Variants in RALYL observed in about 807,000 individuals in gnomAD.
RALYL encodes the protein RNA-binding Raly-like protein.
RALYL carries 29 observed loss-of-function variants against 35.1 expected under a neutral mutation model. The ratio of observed to expected loss-of-function variants is 0.83; its 90% CI spans 0.61 to 1.13. RALYL has a LOEUF of 1.13. Ranked by LOEUF, RALYL falls within the 50% of genes most tolerant of loss-of-function variation. The pLI, the probability that RALYL is intolerant of heterozygous loss-of-function variation, is 0.00. For missense variants in RALYL, 359 were observed against 360.4 expected (o/e 1.00, Z 0.03); for synonymous variants, 120 against 127.6 (o/e 0.94, Z 0.40).
At chr8:84,565,763 T>A (rs2061741981) in intron 2 of RALYL, among the ~76,000 whole-genome samples, 1 of 151,654 alleles carries the variant, frequency 6.6e-6, no homozygotes, top group Non-Finnish European at 1.5e-5. Context: ...GTGCAAATTT[T>A]AACTTTGCTA....
At chr8:84,616,066 GT>G (rs1819544963) in intron 2 of RALYL, among the ~76,000 whole-genome samples, 1 of 77,854 alleles carries the variant, frequency 1.3e-5, no homozygotes, top group Non-Finnish European at 2.3e-5. Flanking sequence ...ACGTGTGCAT[GT>G]GTCTTTATAG....
chr8:84,315,592 C>T (rs370474450), intron 1 of RALYL, among the ~76,000 whole-genome samples: 10 of 152,100 alleles, frequency 6.6e-5, no homozygotes, highest in East Asian at 3.9e-4. Context: ...TTATTAATTT[C>T]GGAAGCATCC....
intron 2 of RALYL, among the ~76,000 whole-genome samples, chr8:84,757,393 A>G (rs1182777705): frequency 2.0e-5 from 3 of 152,170 alleles, no homozygotes; most frequent in Admixed American, 2.0e-4. Context: ...CTGTTGCAAC[A>G]TTTCGGTACA....
In RALYL at chr8:84,528,735, T is replaced by A. The variant is rs572546671; in HGVS notation, c.-23-564T>A. Among the ~76,000 whole-genome samples, 3 of 152,294 alleles carry A rather than the reference T, an allele frequency of 2.0e-5. No homozygotes were observed. The South Asian group carries it at 6.2e-4, about 32-fold the overall frequency. Reference sequence around the variant, plus strand: ...TTTTTAAAATTGTGGTTTTCTTATGTTAAATTTTTGAATTGAATTTCTAAT... The same window carrying A: ...TTTTTAAAATTGTGGTTTTCTTATGATAAATTTTTGAATTGAATTTCTAAT... On this transcript the variant is annotated intron_variant, in intron 1 of 8. Transcript: ENST00000521268.
chr8:84,672,792 C>T (rs1211405850), intron 2 of RALYL, among the ~76,000 whole-genome samples: 2 of 152,274 alleles, frequency 1.3e-5, no homozygotes, highest in East Asian at 3.9e-4. Context: ...GATGCAGTTA[C>T]CTCCCACCAG....
chr8:84,370,100 T>A (rs1238773546), intron 1 of RALYL, among the ~76,000 whole-genome samples: 2 of 152,148 alleles, frequency 1.3e-5, no homozygotes, highest in East Asian at 3.9e-4. Flanking sequence ...TTGAATAATT[T>A]TAGTCCTTGC....
At chr8:84,374,507 G>T (rs535243772) in intron 1 of RALYL, among the ~76,000 whole-genome samples, 2 of 152,104 alleles carry the variant, frequency 1.3e-5, no homozygotes, top group African/African-American at 4.8e-5. Context: ...TAAAGAATAT[G>T]TGGTACATAT....
chr8:84,445,919 G>T (rs1587339601), intron 1 of RALYL, among the ~76,000 whole-genome samples: 1 of 150,904 alleles, frequency 6.6e-6, no homozygotes, highest in South Asian at 2.1e-4. Context: ...TTAAAAGGAG[G>T]CCAATATTTG....
At chr8:84,473,825 T>G (rs916590351) in intron 1 of RALYL, among the ~76,000 whole-genome samples, 2 of 151,984 alleles carry the variant, frequency 1.3e-5, no homozygotes, top group African/African-American at 4.8e-5. Context: ...ATCTATCATG[T>G]GAAACCATAT....
At chr8:84,811,486 T>C (rs1316271292) in intron 4 of RALYL, among the ~76,000 whole-genome samples, 1 of 152,164 alleles carries the variant, frequency 6.6e-6, no homozygotes, top group Non-Finnish European at 1.5e-5. Context: ...TTGATGACAG[T>C]GTGCCTAGGT....
At chr8:84,367,636 T>C (rs903349007) in intron 1 of RALYL, among the ~76,000 whole-genome samples, 1 of 152,130 alleles carries the variant, frequency 6.6e-6, no homozygotes, top group Admixed American at 6.6e-5. Context: ...TCTATAATTT[T>C]TGAGAATATA....
intron 2 of RALYL, among the ~76,000 whole-genome samples, chr8:84,639,333 C>T (rs1301450546): frequency 6.6e-6 from 1 of 151,756 alleles, no homozygotes; most frequent in African/African-American, 2.4e-5. Flanking sequence ...GAGCCTGTGA[C>T]TTACCCCTGC....
intron 1 of RALYL, among the ~76,000 whole-genome samples, chr8:84,285,710 A>T (rs1323056172): frequency 6.6e-6 from 1 of 152,184 alleles, no homozygotes. Context: ...GGGTAAAAGC[A>T]TGCCTAACAT....
At chr8:84,481,689 C>A (rs1004475605) in intron 1 of RALYL, among the ~76,000 whole-genome samples, 1 of 152,062 alleles carries the variant, frequency 6.6e-6, no homozygotes. Context: ...ATACTACAGG[C>A]ATTATGCAAA....
At chr8:84,682,722 C>T (rs1835838706) in intron 2 of RALYL, among the ~76,000 whole-genome samples, 1 of 151,724 alleles carries the variant, frequency 6.6e-6, no homozygotes, top group African/African-American at 2.4e-5. Flanking sequence ...CTTTTTGATT[C>T]GTCTCTCTTT....
chr8:84,365,695 A>G (rs1224896720), intron 1 of RALYL, among the ~76,000 whole-genome samples: 1 of 152,192 alleles, frequency 6.6e-6, no homozygotes, highest in Non-Finnish European at 1.5e-5. Context: ...CAATACTGAT[A>G]TCATATTAAT....
chr8:84,704,522 C>T (rs1840834345), intron 2 of RALYL, among the ~76,000 whole-genome samples: 1 of 151,562 alleles, frequency 6.6e-6, no homozygotes, highest in African/African-American at 2.4e-5. Flanking sequence ...TAAGAGCCTA[C>T]TTTGTGCCAG....
intron 2 of RALYL, among the ~76,000 whole-genome samples, chr8:84,592,122 G>A (rs979478822): frequency 6.6e-6 from 1 of 152,068 alleles, no homozygotes; most frequent in East Asian, 1.9e-4. Flanking sequence ...AAAAAGAAAA[G>A]CAAGGACAAT....
intron 4 of RALYL, among the ~76,000 whole-genome samples, chr8:84,826,008 T>C (rs1829596098): frequency 6.6e-6 from 1 of 152,012 alleles, no homozygotes; most frequent in Non-Finnish European, 1.5e-5. Context: ...TGCAGCAACA[T>C]GGATGTAGCT....
Sources: gnomAD v4.1 joint callset for allele counts (sites outside exome capture counted in the v4.1 genomes callset) on GRCh38, gnomAD v4.1.1 for gene constraint, MANE v1.5 for transcripts, NCBI Gene and HGNC (gene_info 2026-07-23, HGNC 2026-07-21) for gene names.